Variants in FBXO11 observed in about 807,000 individuals in gnomAD.
FBXO11 encodes F-box only protein 11.
A neutral mutation model predicts 117.0 loss-of-function variants in FBXO11; 13 were observed. The ratio of observed to expected loss-of-function variants is 0.11; its 90% CI spans 0.07 to 0.18. The LOEUF is 0.18. Among genes scored for constraint, FBXO11 ranks in the 10% least tolerant of loss-of-function variants. The pLI, the probability that FBXO11 is intolerant of heterozygous loss-of-function variation, is 1.00. For synonymous variants in FBXO11, 490 were observed against 380.5 expected (o/e 1.29, Z -3.35); for missense variants, 767 against 1,164.4 (o/e 0.66, Z 4.97).
chr2:47,809,445 C>T (rs1440452284), intron 20 of FBXO11, 155 bp downstream of exon 20: 3 of 696,010 alleles, frequency 4.3e-6, no homozygotes, highest in South Asian at 2.0e-5. Flanking sequence ...TAAGATACTC[C>T]AACCATTTAG....
intron 1 of FBXO11, among the ~76,000 whole-genome samples, chr2:47,867,112 A>G (rs547549195): frequency 6.6e-6 from 1 of 152,334 alleles, no homozygotes; most frequent in African/African-American, 2.4e-5. Flanking sequence ...TGCTTTAATT[A>G]CTTAATTTCA....
chr2:47,856,432 G>T (rs1674298903), intron 1 of FBXO11, among the ~76,000 whole-genome samples: 1 of 152,048 alleles, frequency 6.6e-6, no homozygotes, highest in African/African-American at 2.4e-5. Flanking sequence ...CATGATAAAG[G>T]GTATAAAATA....
At chr2:47,888,886 G>A (rs1355548966) in intron 1 of FBXO11, among the ~76,000 whole-genome samples, 1 of 152,096 alleles carries the variant, frequency 6.6e-6, no homozygotes, top group Admixed American at 6.5e-5. Context: ...TTTAAAAACA[G>A]GTTATTCAAA....
chr2:47,844,759 C>G (rs970043933), intron 1 of FBXO11, among the ~76,000 whole-genome samples: 4 of 152,104 alleles, frequency 2.6e-5, no homozygotes, highest in African/African-American at 9.7e-5. Context: ...TCAAGCAATT[C>G]TCCCACCTCA....
chr2:47,862,477 T>G (rs1000794149), intron 1 of FBXO11, among the ~76,000 whole-genome samples: 2 of 152,166 alleles, frequency 1.3e-5, no homozygotes, highest in African/African-American at 2.4e-5. Flanking sequence ...TTTTAAGAGA[T>G]AATGTCTTGC....
intron 11 of FBXO11, among the ~76,000 whole-genome samples, chr2:47,826,869 G>A (rs1279007842): frequency 2.0e-5 from 3 of 152,012 alleles, no homozygotes; most frequent in East Asian, 1.9e-4. Context: ...AAGTTCAAGC[G>A]ATTCTCCTGC....
At chr2:47,831,444 A>G (rs1006901828) in intron 11 of FBXO11, among the ~76,000 whole-genome samples, 19 of 151,360 alleles carry the variant, frequency 1.3e-4, no homozygotes, top group East Asian at 3.9e-4. Context: ...AAAAAAAAAA[A>G]AAAAGAAAAA....
chr2:47,827,231 T>C (rs1046140707), intron 11 of FBXO11, among the ~76,000 whole-genome samples: 1 of 152,254 alleles, frequency 6.6e-6, no homozygotes, highest in African/African-American at 2.4e-5. Context: ...ATTGATTGAC[T>C]TATAGTTTTA....
Position 47,838,894 on chromosome 2 carries a change from T to C in FBXO11, c.552A>G (p.Lys184=). 6.2e-7 allele frequency: 1 copy of C among 1,614,000 alleles called. No homozygotes were observed. Among genetic ancestry groups the C allele is most frequent in the Non-Finnish European group, 8.5e-7 (1 of 1,179,916 alleles). ...GATCATTAGCAAGTTCACTGAAGCG[T>C]TTACATACACAAGCTGCTCTACAAA... ...QDLCRAACVC[K]RFSELANDPI... Residue 184 remains lysine (K), a synonymous_variant, in exon 4 of 23, where the codon AAA becomes AAG. Coordinates refer to ENST00000403359, the MANE Select transcript of FBXO11 (RefSeq NM_001190274.2).
At chr2:47,839,103 T>TC in intron 3 of FBXO11, 100 bp from the exon 4 acceptor site, 1 of 1,251,474 alleles carries the variant, frequency 8.0e-7, no homozygotes, top group East Asian at 2.4e-5. Flanking sequence ...CTTTTTTTTT[T>TC]TGGATAATGG....
intron 18 of FBXO11, among the ~76,000 whole-genome samples, chr2:47,812,345 T>G (rs10490303): frequency 0.056 from 8,474 of 152,296 alleles, 250 homozygotes; most frequent in Non-Finnish European, 0.069. Flanking sequence ...GAATGGTCTG[T>G]TCGCCTCTCC....
rs1672928180 is a variant in FBXO11, at chr2:47,840,430, G to A, written c.233-661C>T. Among the ~76,000 whole-genome samples the A allele has an allele frequency of 3.3e-5, 5 of 151,168 alleles. No homozygotes were observed. The South Asian group carries it at 1.1e-3, about 32-fold the overall frequency. ...AGGTAGGTTAAAAAGGGTGTCAGAG[G>A]GTAGTCTGGTGTATGAACATCTTTT... On this transcript the variant is annotated intron_variant, in intron 1 of 22. Coordinates refer to ENST00000403359, the MANE Select transcript of FBXO11 (RefSeq NM_001190274.2).
rs187122771 is a variant in FBXO11, at chr2:47,867,058, T to C, written c.233-27289A>G. ...ACCTGAAAACTAAAAATCTAATTGC[T>C]CCCAGGTTCCAGATTTTGTCTAACA... On this transcript the variant is annotated intron_variant, in intron 1 of 22. Coordinates refer to ENST00000403359, the MANE Select transcript of FBXO11 (RefSeq NM_001190274.2). Among the ~76,000 whole-genome samples, 643 of 152,262 alleles carry C rather than the reference T, an allele frequency of 4.2e-3. 4 individuals carry two copies. The highest frequency in any genetic ancestry group is 0.014 in the African/African-American group (601 of 41,552).
intron 1 of FBXO11, among the ~76,000 whole-genome samples, chr2:47,894,287 A>G (rs1271083296): frequency 6.6e-6 from 1 of 152,232 alleles, no homozygotes; most frequent in Admixed American, 6.5e-5. Context: ...TTTTTCTGTG[A>G]AAGTTTCACA....
chr2:47,831,682 C>T (rs868013628), intron 11 of FBXO11, among the ~76,000 whole-genome samples: 4 of 151,956 alleles, frequency 2.6e-5, no homozygotes, highest in Non-Finnish European at 5.9e-5. Flanking sequence ...AAAAGACATT[C>T]AAAACATTAT....
At chr2:47,864,035 A>G (rs1674998170) in intron 1 of FBXO11, among the ~76,000 whole-genome samples, 1 of 152,140 alleles carries the variant, frequency 6.6e-6, no homozygotes, top group Non-Finnish European at 1.5e-5. Flanking sequence ...TAGTCAAGTT[A>G]CAATACGGCA....
At chr2:47,872,726 A>G (rs1321585157) in intron 1 of FBXO11, among the ~76,000 whole-genome samples, 1 of 152,222 alleles carries the variant, frequency 6.6e-6, no homozygotes, top group African/African-American at 2.4e-5. Context: ...GACATGGGAT[A>G]TCACTACAGC....
intron 1 of FBXO11, among the ~76,000 whole-genome samples, chr2:47,889,132 A>G (rs1677079618): frequency 6.6e-6 from 1 of 152,152 alleles, no homozygotes; most frequent in Non-Finnish European, 1.5e-5. Flanking sequence ...TCCATAACAT[A>G]ACTTTCTAAA....
At chr2:47,894,471 T>A (rs1677503351) in intron 1 of FBXO11, among the ~76,000 whole-genome samples, 1 of 152,100 alleles carries the variant, frequency 6.6e-6, no homozygotes, top group African/African-American at 2.4e-5. Flanking sequence ...AAATTACTTA[T>A]CACCACTTCA....
Sources: allele counts gnomAD v4.1 joint callset (sites outside exome capture counted in the v4.1 genomes callset), GRCh38; gene constraint gnomAD v4.1.1; transcripts MANE v1.5; gene names NCBI Gene and HGNC (gene_info 2026-07-23, HGNC 2026-07-21).